OAS1: variants seen among roughly 807,000 people sequenced by gnomAD.
OAS1 encodes the protein 2'-5'-oligoadenylate synthase 1.
In OAS1, 24 loss-of-function variants were observed where a neutral mutation model predicts 38.5. The ratio of observed to expected loss-of-function variants is 0.62; its 90% CI spans 0.45 to 0.88. The LOEUF (loss-of-function observed/expected upper bound fraction) is 0.88, where lower values mean the gene tolerates loss of function less well. OAS1 is among the 40% of genes least tolerant of loss of function. The pLI is 0.00. For missense variants in OAS1, 482 were observed against 493.9 expected (o/e 0.98, Z 0.23); for synonymous variants, 169 against 193.9 (o/e 0.87, Z 1.07).
chr12:112,921,904 G>A (rs887479725), downstream of OAS1, among the ~76,000 whole-genome samples: 5 of 152,172 alleles, frequency 3.3e-5, no homozygotes, highest in Admixed American at 2.6e-4. Context: ...ATGTCGGGTA[G>A]TGTCTTTTAC....
At chr12:112,920,143 C>A (rs2043520434), downstream of OAS1, among the ~76,000 whole-genome samples, 1 of 152,200 alleles carries the variant, frequency 6.6e-6, no homozygotes, top group African/African-American at 2.4e-5. Context: ...AAATCCCTGT[C>A]CTCATGGAGT....
intron 3 of OAS1, among the ~76,000 whole-genome samples, chr12:112,914,629 C>T (rs902040435): frequency 6.6e-6 from 1 of 151,948 alleles, no homozygotes; most frequent in Non-Finnish European, 1.5e-5. Flanking sequence ...TTTATTATGA[C>T]CATTCTTGCA....
downstream of OAS1, among the ~76,000 whole-genome samples, chr12:112,920,966 G>A (rs1428505087): frequency 6.6e-6 from 1 of 152,160 alleles, no homozygotes; most frequent in African/African-American, 2.4e-5. Context: ...TCTCTCTAAA[G>A]CTCATGTTCT....
At chr12:112,916,458 C>T (rs2043456516) in intron 3 of OAS1, 51 bp from the exon 4 acceptor site, 10 of 1,459,004 alleles carry the variant, frequency 6.9e-6, no homozygotes, top group Non-Finnish European at 8.6e-6. Flanking sequence ...GTGTAGTTTA[C>T]ACAAAAGTTG....
chr12:112,910,609 G>A (rs1319114844), intron 2 of OAS1, among the ~76,000 whole-genome samples: 1 of 152,076 alleles, frequency 6.6e-6, no homozygotes, highest in African/African-American at 2.4e-5. Flanking sequence ...CACATTTGAG[G>A]AAGAGAGAAA....
rs1167140549 is a variant in OAS1, at chr12:112,919,444, A to T, written c.1094A>T (p.Tyr365Phe). 1 of 1,614,168 alleles carries T rather than the reference A, an allele frequency of 6.2e-7. No individual in the cohort carries two copies. The highest frequency in any genetic ancestry group is 1.3e-5 in the African/African-American group (1 of 75,048). ...GACGATCCCAGGAGGTATCAGAAAT[A>T]TGGTTACATTGGAACACATGAGTAC... The part of the protein sequence containing the change: ...ETDDPRRYQK[Y>F]GYIGTHEYPH... Residue 365 changes from tyrosine (Y) to phenylalanine (F), a missense_variant, in exon 6 of 6, where the codon TAT becomes TTT. Coordinates refer to ENST00000202917, the MANE Select transcript of OAS1 (RefSeq NM_016816.4).
chr12:112,918,011 T>C, intron 5 of OAS1: 2 of 1,096,066 alleles, frequency 1.8e-6, no homozygotes, highest in South Asian at 3.7e-5. Context: ...ACTCTCTCAT[T>C]AAATAGTCAC....
intron 2 of OAS1, among the ~76,000 whole-genome samples, chr12:112,910,324 T>C (rs2043357604): frequency 6.6e-6 from 1 of 151,808 alleles, no homozygotes; most frequent in Non-Finnish European, 1.5e-5. Context: ...GCCAAGATCA[T>C]GCCATTGCAC....
chr12:112,919,119 C>T, intron 5 of OAS1: 3 of 411,112 alleles, frequency 7.3e-6, no homozygotes, highest in Non-Finnish European at 1.3e-5. Flanking sequence ...GGCCAGGCTT[C>T]TATACCCCTA....
In OAS1 at chr12:112,917,988, C is replaced by G. The variant is rs1000418876; in HGVS notation, c.1038+288C>G. 50 of 1,288,940 alleles carry G rather than the reference C, an allele frequency of 3.9e-5. No homozygotes were observed. The African/African-American group carries it at 7.5e-4, about 19-fold the overall frequency. 79.8% of individuals were successfully genotyped at this position (1,288,940 alleles called of 1,614,324 possible). A position where few individuals can be genotyped will look rare whatever the true frequency, so the allele number is the denominator to read the frequency against. On this transcript the variant is annotated intron_variant, in intron 5 of 5. Coordinates refer to ENST00000202917, the MANE Select transcript of OAS1 (RefSeq NM_016816.4). Reference sequence around the variant, plus strand: ...CTTCGGGCTCAGGTTCTGTCCTAAGCCCTTTAATATGCACTCTCTCATTAA... The same window carrying G: ...CTTCGGGCTCAGGTTCTGTCCTAAGGCCTTTAATATGCACTCTCTCATTAA...
rs771346955 is a variant in OAS1, at chr12:112,919,645, C to A, written c.*92C>A. ...GACTCTTGATCCAGAGAGGACAAAGCTCCTCAGTGAGCTGGTGTATAATCC... is the reference window on the plus strand; with the variant it reads ...GACTCTTGATCCAGAGAGGACAAAGATCCTCAGTGAGCTGGTGTATAATCC... On this transcript the variant is annotated 3_prime_UTR_variant, in exon 6 of 6. Transcript: ENST00000202917. 3 of 1,602,412 alleles carry A rather than the reference C, an allele frequency of 1.9e-6. No individual in the cohort carries two copies. The highest frequency in any genetic ancestry group is 2.6e-6 in the Non-Finnish European group (3 of 1,174,124).
At chr12:112,926,527 A>G (rs4766666) in intron 6 of OAS1, among the ~76,000 whole-genome samples, 113,075 of 152,038 alleles carry the variant, frequency 0.74, 43,352 homozygotes, top group African/African-American at 0.94. Flanking sequence ...CCCCTGAGCC[A>G]TAAAACCAGC....
rs1385524678 is a variant in OAS1, at chr12:112,917,692, A to T, written c.1030A>T (p.Ile344Phe). ...GGATGGGTCCCCAGTGAGCTCCTGG[A>T]TTCTGCTGGTGAGACCTCCTGCTTC... ...NWDGSPVSSW[I>F]LLAESNSADD... Residue 344 changes from isoleucine (I) to phenylalanine (F), a missense_variant, in exon 5 of 6, where the codon ATT becomes TTT. Ile to Phe is a conservative substitution (Grantham distance 21, BLOSUM62 0). Coordinates refer to ENST00000202917, the MANE Select transcript of OAS1 (RefSeq NM_016816.4). 3 of 1,614,136 alleles carry T rather than the reference A, an allele frequency of 1.9e-6. No individual in the cohort carries two copies. Among genetic ancestry groups the T allele is most frequent in the Non-Finnish European group, 2.5e-6 (3 of 1,180,028 alleles).
At chr12:112,922,335 C>T (rs891723489), downstream of OAS1, among the ~76,000 whole-genome samples, 1 of 152,128 alleles carries the variant, frequency 6.6e-6, no homozygotes, top group South Asian at 2.1e-4. Flanking sequence ...AATGGCTCCC[C>T]TTAACCCCCT....
chr12:112,928,472 T>C (rs978694021), intron 6 of OAS1, among the ~76,000 whole-genome samples: 1 of 152,220 alleles, frequency 6.6e-6, no homozygotes, highest in Admixed American at 6.5e-5. Flanking sequence ...TGTGAAGTGA[T>C]TGATGCTCAT....
chr12:112,928,760 C>G (rs1241545955), intron 6 of OAS1, among the ~76,000 whole-genome samples: 1 of 152,246 alleles, frequency 6.6e-6, no homozygotes, highest in Non-Finnish European at 1.5e-5. Context: ...AACTCAAGGA[C>G]TTGGGAAGTA....
chr12:112,907,202 G>A lies in OAS1; in HGVS notation c.163G>A (p.Val55Met), dbSNP rs138921278. 141 of 1,614,186 alleles carry A rather than the reference G, an allele frequency of 8.7e-5. 5 individuals are homozygous for A. The Middle Eastern group carries it at 5.9e-3, about 68-fold the overall frequency. Residue 55 changes from valine to methionine, a missense_variant, in exon 1 of 6, where the codon GTG becomes ATG. Transcript: ENST00000202917. ...CFRGSSYPVC[V>M]SKVVKGGSSG... ...CCGAGGTAGCTCCTACCCTGTGTGT[G>A]TGTCCAAGGTGGTAAAGGTGAGTCC...
intron 3 of OAS1, among the ~76,000 whole-genome samples, chr12:112,911,690 A>G (rs2043385889): frequency 6.6e-6 from 1 of 152,226 alleles, no homozygotes; most frequent in African/African-American, 2.4e-5. Flanking sequence ...TAAGTAAGCA[A>G]CTTAACCTTT....
chr12:112,914,387 G>T (rs2043425588), intron 3 of OAS1, among the ~76,000 whole-genome samples: 2 of 152,194 alleles, frequency 1.3e-5, no homozygotes, highest in Admixed American at 1.3e-4. Flanking sequence ...ATTGCAAATT[G>T]TGCTGTTATA....
Sources: gnomAD v4.1 joint callset for allele counts (sites outside exome capture counted in the v4.1 genomes callset) on GRCh38, gnomAD v4.1.1 for gene constraint, MANE v1.5 for transcripts, NCBI Gene and HGNC (gene_info 2026-07-23, HGNC 2026-07-21) for gene names.